TDRD10: variants seen among roughly 807,000 people sequenced by gnomAD.
The protein encoded by TDRD10 is tudor domain containing 10.
Under a neutral mutation model 48.0 loss-of-function variants are expected in TDRD10, and 40 were observed. That is an observed-to-expected ratio of 0.83 (90% CI 0.65 to 1.09). The LOEUF (loss-of-function observed/expected upper bound fraction) is 1.09. TDRD10 is among the 50% of genes least tolerant of loss of function. The pLI is 0.00. For missense variants in TDRD10, 378 were observed against 434.7 expected, an observed-to-expected ratio of 0.87 and a Z score of 1.16; for synonymous variants, 162 against 170.4, an observed-to-expected ratio of 0.95 and a Z score of 0.38.
At position 154,517,700 on chromosome 1, in the gene TDRD10, G is replaced by A. The variant is rs567551227; in HGVS notation, c.142-2604G>A. ...GCCTTCCAAAATGCTAGGATTACAG[G>A]CATGAGCCACCGCGCCCGGCTTGGA... On this transcript the variant is annotated intron_variant, in intron 4 of 12. Transcript: ENST00000368482. Among the ~76,000 whole-genome samples, 442 of 152,312 alleles carry A rather than the reference G, an allele frequency of 2.9e-3. 2 individuals are homozygous for A. The highest frequency in any genetic ancestry group is 0.01 in the African/African-American group (431 of 41,566).
intron 1 of TDRD10, among the ~76,000 whole-genome samples, chr1:154,503,618 C>A (rs1397235824): frequency 1.3e-5 from 2 of 152,122 alleles, no homozygotes; most frequent in South Asian, 2.1e-4. Flanking sequence ...AACAAAAAAA[C>A]ACCTTTCTGG....
chr1:154,542,895 C>A, intron 8 of TDRD10, 74 bp downstream of exon 8: 1 of 1,299,250 alleles, frequency 7.7e-7, no homozygotes, highest in Non-Finnish European at 1.1e-6. Context: ...AGAGTGGGGA[C>A]AAGGATAGTA....
intron 10 of TDRD10, 56 bp downstream of exon 10, chr1:154,544,573 CCTT>C (rs1695446476): frequency 8.9e-6 from 14 of 1,574,798 alleles, no homozygotes; most frequent in Non-Finnish European, 1.2e-5. Flanking sequence ...GAAAATGCTC[CCTT>C]CTTGCATTCT....
chr1:154,541,959 CA>C (rs1695260452), intron 6 of TDRD10, 64 bp from the exon 7 acceptor site: 1 of 1,538,320 alleles, frequency 6.5e-7, no homozygotes, highest in Non-Finnish European at 9.0e-7. Flanking sequence ...TGGAGTGATT[CA>C]ACATAGAAAT....
chr1:154,538,116 C>T lies in TDRD10; in HGVS notation c.370-3908C>T, dbSNP rs970928329. ...AACTTAATTTTACAAACTGTCAAAA[C>T]GGGCTTGTTATATTTATCACTTAAA... is the stretch of plus-strand genomic sequence containing the variant. On this transcript the variant is annotated intron_variant, in intron 6 of 12. Transcript: ENST00000368482. 9.9e-5 allele frequency among the ~76,000 whole-genome samples: 15 copies of T among 152,184 alleles called. No individual in the cohort carries two copies. In the East Asian group the frequency reaches 1.9e-3, roughly 20 times the overall value.
chr1:154,508,807 G>A (rs1035617250), intron 4 of TDRD10, among the ~76,000 whole-genome samples: 2 of 152,170 alleles, frequency 1.3e-5, no homozygotes, highest in African/African-American at 4.8e-5. Flanking sequence ...CTCAGCTGCT[G>A]ATCCTTTGGT....
At chr1:154,530,863 T>A (rs1223278987) in intron 6 of TDRD10, among the ~76,000 whole-genome samples, 8 of 142,626 alleles carry the variant, frequency 5.6e-5, no homozygotes, top group African/African-American at 2.0e-4. Flanking sequence ...TTTTTCAGTT[T>A]AAATTTTTTT....
chr1:154,542,802 G>A lies in TDRD10; in HGVS notation c.484G>A (p.Ala162Thr), dbSNP rs1695317196. The change falls in exon 8 of 13, where the codon GCA (alanine) becomes ACA (threonine). Residue 162 changes from alanine (A) to threonine (T), a missense_variant. Around this residue, in one of 2 missense-constraint regions of TDRD10, gnomAD observed 310 missense variants for 323.6 expected, o/e 0.96. Coordinates refer to ENST00000368482, the MANE Select transcript of TDRD10 (RefSeq NM_182499.4). ...AGAGAAACTGAGGGCAGCCTTCTTT[G>A]CAGTCCCGTTGGAAATGAGGTGAGC... is the stretch of plus-strand genomic sequence containing the variant. ...ETEKLRAAFF[A>T]VPLEMRGSFL... The A allele has an allele frequency of 1.4e-5, 22 of 1,613,816 alleles. No homozygotes were observed. The highest frequency in any genetic ancestry group is 1.9e-5 in the Non-Finnish European group (22 of 1,179,820).
At chr1:154,525,943 C>CCGGTAATCCTAGCACTTTGGGAGGCTG (rs1694294593) in intron 6 of TDRD10, among the ~76,000 whole-genome samples, 1 of 148,164 alleles carries the variant, frequency 6.7e-6, no homozygotes, top group Admixed American at 6.8e-5. Flanking sequence ...GTGGCTCACG[C>CCGGTAATCCTAGCACTTTGGGAGGCTG]CGGTAATCCT....
chr1:154,525,641 C>T (rs569981040), intron 6 of TDRD10, among the ~76,000 whole-genome samples: 1 of 152,260 alleles, frequency 6.6e-6, no homozygotes, highest in South Asian at 2.1e-4. Flanking sequence ...CACCTGTAAT[C>T]CCAGCTCTTT....
rs183735188 is a variant in TDRD10, at chr1:154,540,975, A to G, written c.370-1049A>G. Among the ~76,000 whole-genome samples, 50 of 152,336 alleles carry G rather than the reference A, an allele frequency of 3.3e-4. No homozygotes were observed. The East Asian group carries it at 8.1e-3, about 25-fold the overall frequency. ...ATTGGATTTGGCAGTGTGACTGTTC[A>G]TGCTGACTTTTGCAGGGCCATTTTG... On this transcript the variant is annotated intron_variant, in intron 6 of 12. Transcript: ENST00000368482.
At chr1:154,542,557 G>T (rs759391818) in intron 7 of TDRD10, among the ~76,000 whole-genome samples, 174 bp from the exon 8 acceptor site, 1 of 152,114 alleles carries the variant, frequency 6.6e-6, no homozygotes, top group Non-Finnish European at 1.5e-5. Flanking sequence ...AATATCATCC[G>T]ACTGACCCTT....
rs763125610 is a variant in TDRD10 at position 154,547,443 on chromosome 1, C to A, written c.987C>A (p.Ile329=). The change falls in exon 12 of 13, where the codon ATC becomes ATA. Residue 329 remains isoleucine, a synonymous_variant. Transcript: ENST00000368482. ...GTTCGTATGAGGTTGTCCATCGAAT[C>A]CTCAAAGGGAAAATCACTGGTGCTT... The part of the protein sequence containing the change: ...ILSSYEVVHR[I]LKGKITGALN... 2 of 1,614,224 alleles carry A rather than the reference C, an allele frequency of 1.2e-6. No homozygotes were observed. The highest frequency in any genetic ancestry group is 2.2e-5 in the South Asian group (2 of 91,084).
chr1:154,512,582 G>A (rs1693543772), intron 4 of TDRD10, among the ~76,000 whole-genome samples: 1 of 152,162 alleles, frequency 6.6e-6, no homozygotes. Context: ...GACCTCAGAT[G>A]TTCCGCCTGC....
At chr1:154,510,420 G>A (rs113634917) in intron 4 of TDRD10, among the ~76,000 whole-genome samples, 10,337 of 151,432 alleles carry the variant, frequency 0.068, 1,195 homozygotes, top group African/African-American at 0.24. Context: ...GTGAAACCCC[G>A]TCTCTACTAA....
intron 4 of TDRD10, among the ~76,000 whole-genome samples, chr1:154,518,540 GC>G (rs1693888890): frequency 6.6e-6 from 1 of 152,104 alleles, no homozygotes; most frequent in South Asian, 2.1e-4. Context: ...CCATTCTCCT[GC>G]CTCAGCCTTC....
intron 10 of TDRD10, 82 bp from the exon 11 acceptor site, chr1:154,544,713 T>A (rs1695453978): frequency 1.9e-6 from 3 of 1,550,240 alleles, no homozygotes; most frequent in African/African-American, 2.7e-5. Flanking sequence ...TACCTCCACT[T>A]TCACATCCAC....
rs537336804 is a variant in TDRD10 at position 154,518,375 on chromosome 1, C to T, written c.142-1929C>T. 4.6e-5 allele frequency among the ~76,000 whole-genome samples: 7 copies of T among 152,246 alleles called. No individual in the cohort carries two copies. The East Asian group carries it at 1.3e-3, about 29-fold the overall frequency. ...CTTTTATGATTTAAAATGAGATATG[C>T]ACGAGGCAATTTTAGCTTAATGTAC... On this transcript the variant is annotated intron_variant, in intron 4 of 12. Coordinates refer to ENST00000368482, the MANE Select transcript of TDRD10 (RefSeq NM_182499.4).
At chr1:154,545,590 T>G (rs977058312) in intron 11 of TDRD10, among the ~76,000 whole-genome samples, 15 of 152,098 alleles carry the variant, frequency 9.9e-5, no homozygotes, top group Non-Finnish European at 7.4e-5. Context: ...TCTTTTTTTT[T>G]CAGAGGCAGG....
Sources: allele counts gnomAD v4.1 joint callset (sites outside exome capture counted in the v4.1 genomes callset), GRCh38; gene constraint gnomAD v4.1.1; regional missense constraint gnomAD v4.1.1; transcripts MANE v1.5; gene names NCBI Gene and HGNC (gene_info 2026-07-23, HGNC 2026-07-21).